ADGRL2: variants seen among roughly 807,000 people sequenced by gnomAD.
The protein encoded by ADGRL2 is adhesion G protein-coupled receptor L2.
In ADGRL2, 44 loss-of-function variants were observed where a neutral mutation model predicts 157.4. The ratio of observed to expected loss-of-function variants is 0.28; its 90% CI spans 0.22 to 0.36. The LOEUF is 0.36. ADGRL2 is among the 10% of genes least tolerant of loss of function. The probability of loss-of-function intolerance (pLI) is 1.00; values close to 1 mark genes in which losing one functional copy is unlikely to be tolerated. For missense variants in ADGRL2, 1,510 were observed against 1,768.9 expected (o/e 0.85, Z 2.63); for synonymous variants, 585 against 624.7 (o/e 0.94, Z 0.95).
chr1:81,604,253 C>T (rs918867223), intron 3 of ADGRL2, among the ~76,000 whole-genome samples: 11 of 152,222 alleles, frequency 7.2e-5, no homozygotes, highest in African/African-American at 2.2e-4. Context: ...GCGTGAGCCG[C>T]TGTGCCTGGC....
chr1:81,756,542 T>C (rs1571091844), intron 1 of ADGRL2, among the ~76,000 whole-genome samples: 1 of 152,282 alleles, frequency 6.6e-6, no homozygotes, highest in Admixed American at 6.6e-5. Context: ...CCATATTGCA[T>C]AAAGCCACAT....
At chr1:81,804,768 T>C (rs1365509980) in intron 1 of ADGRL2, among the ~76,000 whole-genome samples, 3 of 152,240 alleles carry the variant, frequency 2.0e-5, no homozygotes, top group African/African-American at 7.2e-5. Context: ...TCTAACTTAA[T>C]GCTTTTTTAG....
At chr1:81,617,225 C>T (rs908680104) in intron 3 of ADGRL2, among the ~76,000 whole-genome samples, 2 of 152,170 alleles carry the variant, frequency 1.3e-5, no homozygotes, top group Non-Finnish European at 2.9e-5. Flanking sequence ...CATAGGCGCA[C>T]GAACCCTATT....
At chr1:81,407,207 T>C (rs2076868476) in intron 1 of ADGRL2, among the ~76,000 whole-genome samples, 1 of 152,216 alleles carries the variant, frequency 6.6e-6, no homozygotes, top group Admixed American at 6.5e-5. Context: ...GTAATCTGTT[T>C]CTGGCGAGAG....
chr1:81,708,037 CTCTT>C (rs1241372133), intron 1 of ADGRL2, among the ~76,000 whole-genome samples: 6 of 152,148 alleles, frequency 3.9e-5, no homozygotes, highest in Admixed American at 6.6e-5. Context: ...CGCTTGTTCT[CTCTT>C]TCTTTTTAGT....
chr1:81,672,665 G>A (rs1374602860), intron 3 of ADGRL2, among the ~76,000 whole-genome samples: 2 of 152,158 alleles, frequency 1.3e-5, no homozygotes, highest in Non-Finnish European at 2.9e-5. Flanking sequence ...ACTTGGACTT[G>A]TGGGAAATGA....
intron 2 of ADGRL2, among the ~76,000 whole-genome samples, chr1:81,904,927 G>A (rs916693843): frequency 1.3e-5 from 2 of 151,976 alleles, no homozygotes; most frequent in Non-Finnish European, 2.9e-5. Context: ...TTAAAGGCAC[G>A]ACCTCCCAGT....
chr1:81,489,351 G>A (rs1027977541), intron 2 of ADGRL2, among the ~76,000 whole-genome samples: 1 of 151,990 alleles, frequency 6.6e-6, no homozygotes, highest in Non-Finnish European at 1.5e-5. Flanking sequence ...GGAATTCAGA[G>A]GCACATTTGA....
chr1:81,429,938 G>C (rs1185789902), intron 1 of ADGRL2, among the ~76,000 whole-genome samples: 1 of 152,132 alleles, frequency 6.6e-6, no homozygotes, highest in Non-Finnish European at 1.5e-5. Context: ...TAGTTGCCCA[G>C]GCTGGAGGGC....
rs1360536678 is a variant in ADGRL2 at position 81,533,421 on chromosome 1, C to G, written c.-247-47455C>G. On this transcript the variant is annotated intron_variant, in intron 2 of 24. Coordinates refer to the ADGRL2 transcript ENST00000370721. ...AAAATGGACTCTAACATAGTTTTTACTGAGGGGAGGGCTCTCACATTCTTT... is the reference window on the plus strand; with the variant it reads ...AAAATGGACTCTAACATAGTTTTTAGTGAGGGGAGGGCTCTCACATTCTTT... Among the ~76,000 whole-genome samples, 4 of 152,016 alleles carry G rather than the reference C, an allele frequency of 2.6e-5. 1 individual carries two copies. The highest frequency in any genetic ancestry group is 5.9e-5 in the Non-Finnish European group (4 of 67,996).
At chr1:81,469,510 C>T (rs1170474936) in intron 2 of ADGRL2, among the ~76,000 whole-genome samples, 3 of 152,184 alleles carry the variant, frequency 2.0e-5, no homozygotes, top group Admixed American at 1.3e-4. Context: ...ACTGTTATCC[C>T]TCTGAGTTTT....
intron 3 of ADGRL2, among the ~76,000 whole-genome samples, chr1:81,591,395 C>A (rs1030324341): frequency 2.6e-5 from 4 of 152,124 alleles, no homozygotes; most frequent in Non-Finnish European, 4.4e-5. Context: ...TCCACTTCTG[C>A]AAATGAGCCA....
At chr1:81,345,675 C>CTGAATCA (rs1217226137) in intron 1 of ADGRL2, among the ~76,000 whole-genome samples, 1 of 151,974 alleles carries the variant, frequency 6.6e-6, no homozygotes, top group Non-Finnish European at 1.5e-5. Context: ...CTAATCATAA[C>CTGAATCA]TGTCCTAGAT....
chr1:81,880,826 A>G (rs1444134398), intron 2 of ADGRL2, among the ~76,000 whole-genome samples: 4 of 152,012 alleles, frequency 2.6e-5, no homozygotes, highest in African/African-American at 9.7e-5. Flanking sequence ...GGTGGGTTGG[A>G]TGTTGTCCTG....
intron 1 of ADGRL2, among the ~76,000 whole-genome samples, chr1:81,375,706 G>T (rs1017151848): frequency 1.3e-5 from 2 of 152,002 alleles, no homozygotes; most frequent in African/African-American, 4.8e-5. Context: ...TCTTATTTTG[G>T]ATGACTCCTT....
At chr1:81,551,270 C>T (rs1349381905) in intron 2 of ADGRL2, among the ~76,000 whole-genome samples, 2 of 152,140 alleles carry the variant, frequency 1.3e-5, no homozygotes, top group African/African-American at 4.8e-5. Flanking sequence ...CTGCTAAAGA[C>T]TAGCCCTGAC....
intron 2 of ADGRL2, among the ~76,000 whole-genome samples, chr1:81,479,475 C>T (rs551509493): frequency 2.0e-5 from 3 of 151,734 alleles, no homozygotes; most frequent in Non-Finnish European, 4.4e-5. Context: ...AGTGAGACTC[C>T]GTCTGAAAAA....
Position 81,483,358 on chromosome 1 carries a change from A to G in ADGRL2, c.-248+38269A>G, listed in dbSNP as rs147879435. ...AGGTGAAGAAAATGAAGCAATCAAG[A>G]TGAATGCTCAAGCACCTTCGTGCAT... On this transcript the variant is annotated intron_variant, in intron 2 of 24. Transcript: ENST00000370721. 5.3e-5 allele frequency among the ~76,000 whole-genome samples: 8 copies of G among 152,338 alleles called. No homozygotes were observed. The East Asian group carries it at 1.5e-3, about 29-fold the overall frequency.
At chr1:81,412,044 G>A (rs941440860) in intron 1 of ADGRL2, among the ~76,000 whole-genome samples, 4 of 152,060 alleles carry the variant, frequency 2.6e-5, no homozygotes, top group Non-Finnish European at 5.9e-5. Flanking sequence ...AATATGTATT[G>A]AGAAATTATT....
Sources: gnomAD v4.1 joint callset for allele counts (sites outside exome capture counted in the v4.1 genomes callset) on GRCh38, gnomAD v4.1.1 for gene constraint, MANE v1.5 for transcripts, NCBI Gene and HGNC (gene_info 2026-07-23, HGNC 2026-07-21) for gene names.